MAML3: variants seen among roughly 807,000 people sequenced by gnomAD.
MAML3 encodes the protein mastermind like transcriptional coactivator 3.
In MAML3, 27 loss-of-function variants were observed where a neutral mutation model predicts 101.9. The ratio of observed to expected loss-of-function variants is 0.27; its 90% CI spans 0.20 to 0.37. The LOEUF (loss-of-function observed/expected upper bound fraction) is 0.37, where lower values mean the gene tolerates loss of function less well. Ranked by LOEUF, MAML3 falls within the 10% of genes least tolerant of loss-of-function variation. The pLI is 1.00. For missense variants in MAML3, 1,316 were observed against 1,444.9 expected (o/e 0.91, Z 1.45); for synonymous variants, 501 against 555.9 (o/e 0.90, Z 1.39).
intron 1 of MAML3, among the ~76,000 whole-genome samples, chr4:140,128,413 C>T (rs1011664507): frequency 1.3e-5 from 2 of 152,146 alleles, no homozygotes; most frequent in African/African-American, 4.8e-5. Context: ...ATGTATGGAG[C>T]ACCTGCAATA....
At chr4:140,068,538 G>A (rs901832762) in intron 1 of MAML3, among the ~76,000 whole-genome samples, 1 of 152,180 alleles carries the variant, frequency 6.6e-6, no homozygotes, top group Non-Finnish European at 1.5e-5. Context: ...GTTCTGGAAA[G>A]AGAACTCTAC....
At chr4:139,989,749 G>A (rs367637792) in intron 1 of MAML3, among the ~76,000 whole-genome samples, 5 of 151,820 alleles carry the variant, frequency 3.3e-5, no homozygotes, top group East Asian at 1.9e-4. Flanking sequence ...CAGGGAACAC[G>A]TGAATATATT....
intron 1 of MAML3, among the ~76,000 whole-genome samples, chr4:139,931,594 C>T (rs1237813825): frequency 6.6e-6 from 1 of 152,190 alleles, no homozygotes; most frequent in Non-Finnish European, 1.5e-5. Context: ...GGACTGCATC[C>T]TCTTCATCAG....
intron 1 of MAML3, among the ~76,000 whole-genome samples, chr4:139,914,621 A>T (rs576360523): frequency 6.6e-6 from 1 of 152,366 alleles, no homozygotes; most frequent in Non-Finnish European, 1.5e-5. Context: ...ACACAGCAAC[A>T]TGCCTAACCC....
At chr4:140,112,559 A>G (rs1007043847) in intron 1 of MAML3, among the ~76,000 whole-genome samples, 1 of 152,242 alleles carries the variant, frequency 6.6e-6, no homozygotes, top group African/African-American at 2.4e-5. Flanking sequence ...CAGCTGGGCT[A>G]TGAAAGCCAT....
At position 140,017,958 on chromosome 4, in the gene MAML3, A is replaced by G. The variant is rs567947155; in HGVS notation, c.469-126991T>C. Among the ~76,000 whole-genome samples the G allele has an allele frequency of 1.1e-4, 17 of 152,078 alleles. 1 individual carries two copies. Among genetic ancestry groups the G allele is most frequent in the South Asian group, 1.0e-3 (5 of 4,814 alleles). On this transcript the variant is annotated intron_variant, in intron 1 of 4. Transcript: ENST00000509479. ...AGAATACATGAGATGTGTCTGTATC[A>G]TGCCTTACAACTGCATGTGAATCTA...
chr4:139,722,032 T>C (rs1443862262), intron 4 of MAML3, among the ~76,000 whole-genome samples: 4 of 152,244 alleles, frequency 2.6e-5, no homozygotes, highest in Admixed American at 2.6e-4. Context: ...AACAGTCTGA[T>C]GGGCTGCTAG....
chr4:140,049,908 CAGT>C (rs1289346533), intron 1 of MAML3, among the ~76,000 whole-genome samples: 3 of 151,836 alleles, frequency 2.0e-5, no homozygotes, highest in Non-Finnish European at 4.4e-5. Context: ...TTAGTCAACA[CAGT>C]AGCTATTTCT....
intron 2 of MAML3, among the ~76,000 whole-genome samples, chr4:139,832,313 T>C (rs992124565): frequency 9.9e-5 from 15 of 150,858 alleles, no homozygotes; most frequent in Non-Finnish European, 3.0e-5. Context: ...GGTTTTGCGA[T>C]GTTGCCTAGG....
intron 1 of MAML3, among the ~76,000 whole-genome samples, chr4:140,053,832 C>T (rs1300074967): frequency 6.6e-6 from 1 of 152,102 alleles, no homozygotes; most frequent in Non-Finnish European, 1.5e-5. Flanking sequence ...TGAAACATTA[C>T]CATTATTTTG....
chr4:139,872,673 C>T (rs910489802), intron 2 of MAML3, among the ~76,000 whole-genome samples: 15 of 151,758 alleles, frequency 9.9e-5, no homozygotes, highest in Non-Finnish European at 2.2e-4. Flanking sequence ...GCACAGGGGA[C>T]AAAGGAAGGG....
At position 139,865,301 on chromosome 4, in the gene MAML3, T is replaced by C. The variant is rs566116235; in HGVS notation, c.2079+24056A>G. On this transcript the variant is annotated intron_variant, in intron 2 of 4. Coordinates refer to ENST00000509479, the MANE Select transcript of MAML3 (RefSeq NM_018717.5). ...GGGATACAATAAGGTGGAATGTTTC[T>C]TCTTGAATGGTTCAAGGGTCCAGTA... 1.2e-4 allele frequency among the ~76,000 whole-genome samples: 19 copies of C among 152,272 alleles called. No individual in the cohort carries two copies. The South Asian group carries it at 3.7e-3, about 30-fold the overall frequency.
chr4:139,948,760 A>C (rs796074912), intron 1 of MAML3, among the ~76,000 whole-genome samples: 9 of 152,362 alleles, frequency 5.9e-5, no homozygotes, highest in African/African-American at 1.9e-4. Context: ...GCAAACACTT[A>C]CATGACACTA....
rs1472075903 is a variant in MAML3 at position 139,890,644 on chromosome 4, A to C, written c.792T>G (p.Asp264Glu). 3 of 1,613,898 alleles carry C rather than the reference A, an allele frequency of 1.9e-6. No individual in the cohort carries two copies. The highest frequency in any genetic ancestry group is 1.1e-5 in the South Asian group (1 of 91,086). ...CTTTGCTCTGCAAGATGGTGAAGCT[A>C]TCCTCCAGGTCACTGCAACCGTTGA... is the stretch of plus-strand genomic sequence containing the variant. The part of the protein sequence containing the change: ...LPVNGCSDLE[D>E]SFTILQSKDL... Residue 264 changes from aspartate (D) to glutamate (E), a missense_variant, in exon 2 of 5, where the codon GAT (aspartate) becomes GAG (glutamate). Asp to Glu is a conservative substitution (Grantham distance 45). Transcript: ENST00000509479. This position sits in a 1 kb window ranked among gnomAD's most constrained non-coding sequence, Gnocchi z 4.1.
chr4:139,863,677 C>G (rs1302372804), intron 2 of MAML3, among the ~76,000 whole-genome samples: 1 of 152,112 alleles, frequency 6.6e-6, no homozygotes, highest in Non-Finnish European at 1.5e-5. Flanking sequence ...AACATTGTTT[C>G]TTCCTCTCTC....
intron 1 of MAML3, among the ~76,000 whole-genome samples, chr4:140,084,932 A>G (rs563909327): frequency 2.0e-4 from 31 of 152,240 alleles, no homozygotes; most frequent in Admixed American, 9.8e-4. Flanking sequence ...CCTTAAAAAC[A>G]TCGGGGGGCG....
chr4:140,092,104 G>GTATATATATATATACGTA (rs1728068354), intron 1 of MAML3, among the ~76,000 whole-genome samples: 2 of 79,154 alleles, frequency 2.5e-5, no homozygotes, highest in African/African-American at 8.4e-5. Flanking sequence ...ATATATATAC[G>GTATATATATATATACGTA]TATATATATA....
intron 1 of MAML3, among the ~76,000 whole-genome samples, chr4:140,026,587 A>G (rs1326837750): frequency 6.6e-6 from 1 of 152,318 alleles, no homozygotes; most frequent in Non-Finnish European, 1.5e-5. Flanking sequence ...AAAAACCTTT[A>G]CGACAGAAAG....
intron 1 of MAML3, among the ~76,000 whole-genome samples, chr4:140,009,452 G>C (rs772589402): frequency 1.3e-5 from 2 of 152,218 alleles, no homozygotes; most frequent in Non-Finnish European, 2.9e-5. Context: ...GCCTTTGTCT[G>C]TGGGCAATCT....
Sources: gnomAD v4.1 joint callset for allele counts (sites outside exome capture counted in the v4.1 genomes callset) on GRCh38, gnomAD v4.1.1 for gene constraint, Gnocchi (gnomAD v3.1) non-coding constraint, MANE v1.5 for transcripts, NCBI Gene and HGNC (gene_info 2026-07-23, HGNC 2026-07-21) for gene names.